LURAP1L: variants seen among roughly 807,000 people sequenced by gnomAD.
The protein encoded by LURAP1L is leucine rich adaptor protein 1 like, also known as leucine rich adaptor protein 1-like.
A neutral mutation model predicts 13.8 loss-of-function variants in LURAP1L; 12 were observed. That is an observed-to-expected ratio of 0.87 (90% CI 0.56 to 1.41). The LOEUF (loss-of-function observed/expected upper bound fraction) is 1.41. Among genes scored for constraint, LURAP1L ranks in the 40% most tolerant of loss-of-function variants. The pLI is 0.00. For synonymous variants in LURAP1L, 139 were observed against 119.2 expected (o/e 1.17, Z -1.08); for missense variants, 375 against 292.9 (o/e 1.28, Z -2.04).
chr9:12,795,501 T>C (rs1157796533), intron 1 of LURAP1L, among the ~76,000 whole-genome samples: 1 of 151,942 alleles, frequency 6.6e-6, no homozygotes, highest in East Asian at 1.9e-4. Flanking sequence ...CTGTAGGTAG[T>C]GGTAATAAGG....
At chr9:12,792,349 A>C in intron 1 of LURAP1L, among the ~76,000 whole-genome samples, 1 of 152,152 alleles carries the variant, frequency 6.6e-6, no homozygotes, top group Middle Eastern at 3.2e-3. Flanking sequence ...TTTTGTCTAA[A>C]AAAAAAGATT....
intron 1 of LURAP1L, among the ~76,000 whole-genome samples, chr9:12,800,248 A>G (rs1261179856): frequency 1.3e-5 from 2 of 152,232 alleles, no homozygotes; most frequent in South Asian, 2.1e-4. Flanking sequence ...TGCTACATGC[A>G]TATGTTATCT....
intron 1 of LURAP1L, among the ~76,000 whole-genome samples, chr9:12,802,415 G>T (rs1268693215): frequency 6.6e-6 from 1 of 152,040 alleles, no homozygotes; most frequent in African/African-American, 2.4e-5. Flanking sequence ...CTGAGATCTG[G>T]TCTTTAAAAG....
intron 1 of LURAP1L, among the ~76,000 whole-genome samples, chr9:12,800,421 T>G (rs1586882034): frequency 6.6e-6 from 1 of 152,056 alleles, no homozygotes; most frequent in South Asian, 2.1e-4. Context: ...TCATCTGAGA[T>G]CCAAAATCCA....
At chr9:12,797,593 T>G (rs538681079) in intron 1 of LURAP1L, among the ~76,000 whole-genome samples, 20 of 152,294 alleles carry the variant, frequency 1.3e-4, no homozygotes, top group African/African-American at 4.8e-4. Flanking sequence ...AGTAATAGTT[T>G]GAGCAAAAGT....
chr9:12,814,346 T>C (rs1444219197), intron 1 of LURAP1L: 1 of 152,210 alleles, frequency 6.6e-6, no homozygotes, highest in Non-Finnish European at 1.5e-5. Flanking sequence ...AAAACTTCTC[T>C]GCTGTGAATA....
rs1479304067 is a variant in LURAP1L, at chr9:12,823,022, T to G, written c.*1262T>G. 6.6e-6 allele frequency among the ~76,000 whole-genome samples: 1 copy of G among 152,250 alleles called. No homozygotes were observed. The highest frequency in any genetic ancestry group is 1.5e-5 in the Non-Finnish European group (1 of 68,040). Reference sequence around the variant, plus strand: ...TTTATTATTGTTTATTTCCAAGGCATGTATTATTCAATTTCTAATTAAAAT... The same window carrying G: ...TTTATTATTGTTTATTTCCAAGGCAGGTATTATTCAATTTCTAATTAAAAT... On this transcript the variant is annotated 3_prime_UTR_variant, in exon 2 of 2. Coordinates refer to ENST00000319264, the MANE Select transcript of LURAP1L (RefSeq NM_203403.2).
At chr9:12,786,576 A>ATG in intron 1 of LURAP1L, among the ~76,000 whole-genome samples, 1 of 130,284 alleles carries the variant, frequency 7.7e-6, no homozygotes, top group African/African-American at 2.8e-5. Context: ...ATATATATAT[A>ATG]TATATAAACC....
intron 1 of LURAP1L, among the ~76,000 whole-genome samples, chr9:12,819,721 G>A (rs1350651426): frequency 6.6e-6 from 1 of 152,144 alleles, no homozygotes; most frequent in East Asian, 1.9e-4. Context: ...TTGGGAGGCT[G>A]AGGAGGGCAG....
intron 1 of LURAP1L, among the ~76,000 whole-genome samples, chr9:12,785,074 T>C (rs7042370): frequency 0.58 from 87,919 of 151,692 alleles, 25,865 homozygotes; most frequent in African/African-American, 0.66. Context: ...TTTCACCTTA[T>C]GGTGAATCTT....
In LURAP1L at chr9:12,775,506, C is replaced by T; in HGVS notation, c.-210C>T. 1.6e-6 allele frequency: 1 copy of T among 619,454 alleles called. No homozygotes were observed. The allele number at this position is 619,454 out of a possible 1,614,324, so 38.4% of individuals were successfully genotyped here. On this transcript the variant is annotated 5_prime_UTR_variant, in exon 1 of 2. Coordinates refer to ENST00000319264, the MANE Select transcript of LURAP1L (RefSeq NM_203403.2). ...TTAGTGTCGGAGGAGTCGCAGCGGA[C>T]TGGGAACTGCAGCTGCGACCCCCCG...
At chr9:12,800,530 A>G (rs1178858509) in intron 1 of LURAP1L, among the ~76,000 whole-genome samples, 2 of 147,718 alleles carry the variant, frequency 1.4e-5, no homozygotes, top group Non-Finnish European at 3.0e-5. Flanking sequence ...CAAAACAACA[A>G]AACAAAAAAA....
At chr9:12,776,052 G>A (rs755827663) in intron 1 of LURAP1L, 25 bp downstream of exon 1, 3 of 1,610,098 alleles carry the variant, frequency 1.9e-6, no homozygotes, top group Non-Finnish European at 2.5e-6. Flanking sequence ...CCAGCCGCGG[G>A]GGCTGGGACC....
At chr9:12,817,470 A>T (rs1819819368) in intron 1 of LURAP1L, among the ~76,000 whole-genome samples, 1 of 152,236 alleles carries the variant, frequency 6.6e-6, no homozygotes, top group Non-Finnish European at 1.5e-5. Flanking sequence ...TAGAAAGATT[A>T]TGATTTCAAC....
At chr9:12,792,211 T>C (rs986684054) in intron 1 of LURAP1L, among the ~76,000 whole-genome samples, 2 of 152,134 alleles carry the variant, frequency 1.3e-5, no homozygotes, top group African/African-American at 4.8e-5. Context: ...ATATTTTGAA[T>C]GTTAGATGAA....
At chr9:12,809,400 T>C (rs1017648118) in intron 1 of LURAP1L, among the ~76,000 whole-genome samples, 1 of 152,246 alleles carries the variant, frequency 6.6e-6, no homozygotes, top group African/African-American at 2.4e-5. Context: ...CTCAGCTATG[T>C]CCAATCTACT....
rs1346685010 is a variant in LURAP1L, at chr9:12,821,569, A to C, written c.496A>C (p.Ser166Arg). ...CACCTCCTTACGTGGCAGCTACAAC[A>C]GCCTACACGATGGCAGTGATGGGCT... ...QSTSLRGSYN[S>R]LHDGSDGLDG... is the part of the protein sequence containing the mutation. The change falls in exon 2 of 2, where the codon AGC becomes CGC. Residue 166 changes from serine (S) to arginine (R), a missense_variant. Physicochemically the swap from Ser to Arg is moderately radical, Grantham distance 110. Transcript: ENST00000319264. 2 of 1,614,030 alleles carry C rather than the reference A, an allele frequency of 1.2e-6. No homozygotes were observed. Among genetic ancestry groups the C allele is most frequent in the Non-Finnish European group, 1.7e-6 (2 of 1,180,034 alleles).
chr9:12,815,028 T>A (rs2118545408), intron 1 of LURAP1L, among the ~76,000 whole-genome samples: 1 of 152,298 alleles, frequency 6.6e-6, no homozygotes, highest in East Asian at 1.9e-4. Context: ...CCTGAAGCAT[T>A]CCAAACCAAA....
intron 1 of LURAP1L, chr9:12,777,747 C>T: frequency 5.0e-6 from 1 of 200,874 alleles, no homozygotes; most frequent in Non-Finnish European, 8.9e-6. Flanking sequence ...ATGTGAAGAT[C>T]ATTTTCTGAC....
Sources: allele counts gnomAD v4.1 joint callset (sites outside exome capture counted in the v4.1 genomes callset), GRCh38; gene constraint gnomAD v4.1.1; transcripts MANE v1.5; gene names NCBI Gene and HGNC (gene_info 2026-07-23, HGNC 2026-07-21).